The following ARFGEF3 variants were observed in gnomAD, a reference collection of about 807,000 sequenced individuals.
ARFGEF3 encodes the protein brefeldin A-inhibited guanine nucleotide-exchange protein 3.
In ARFGEF3, 96 loss-of-function variants were observed where a neutral mutation model predicts 221.7. The observed-to-expected ratio is 0.43, with a 90% CI of 0.37 to 0.51. The LOEUF (loss-of-function observed/expected upper bound fraction) is 0.51. Among genes scored for constraint, ARFGEF3 ranks in the 20% least tolerant of loss-of-function variants. The pLI is 0.00. For missense variants in ARFGEF3, 2,410 were observed against 2,789.9 expected (o/e 0.86, Z 3.07); for synonymous variants, 1,145 against 1,126.8 (o/e 1.02, Z -0.32).
In ARFGEF3 at chr6:138,286,913, C is replaced by T. The variant is rs763974207; in HGVS notation, c.2782C>T (p.Leu928=). 20 of 1,612,700 alleles carry T rather than the reference C, an allele frequency of 1.2e-5. No individual in the cohort carries two copies. Among genetic ancestry groups the T allele is most frequent in the East Asian group, 2.2e-5 (1 of 44,892 alleles). ...LRKAARLSCA[L]GVAANCASAL... is the part of the protein sequence containing the mutation. ...GAAAGCCGCACGGCTGAGCTGCGCT[C>T]TAGGTACCAGCGGGAGTAGTGTTCC... Residue 928 remains leucine (L), a synonymous_variant, in exon 16 of 34, where the codon CTA becomes TTA. Coordinates refer to ENST00000251691, the MANE Select transcript of ARFGEF3 (RefSeq NM_020340.5).
At chr6:138,264,316 T>C (rs1562372589) in intron 12 of ARFGEF3, among the ~76,000 whole-genome samples, 1 of 152,210 alleles carries the variant, frequency 6.6e-6, no homozygotes, top group Non-Finnish European at 1.5e-5. Context: ...TAGTAAATAA[T>C]TATTTTTAAG....
chr6:138,321,074 G>C (rs760772159), intron 28 of ARFGEF3, 37 bp from the exon 29 acceptor site: 1 of 1,223,970 alleles, frequency 8.2e-7, no homozygotes, highest in Non-Finnish European at 1.2e-6. Flanking sequence ...CTTTACACTA[G>C]AGCTGTGTGA....
intron 18 of ARFGEF3, among the ~76,000 whole-genome samples, chr6:138,290,263 A>G (rs1779379865): frequency 6.6e-6 from 1 of 152,224 alleles, no homozygotes; most frequent in Non-Finnish European, 1.5e-5. Flanking sequence ...TAAATAATTG[A>G]TTGAGATGAC....
chr6:138,237,624 T>C (rs979844149), intron 5 of ARFGEF3, among the ~76,000 whole-genome samples: 1 of 152,238 alleles, frequency 6.6e-6, no homozygotes, highest in African/African-American at 2.4e-5. Context: ...TGGTGTTATA[T>C]TCACTTTGCA....
At chr6:138,219,187 A>T (rs1041581518) in intron 4 of ARFGEF3, among the ~76,000 whole-genome samples, 3 of 152,172 alleles carry the variant, frequency 2.0e-5, no homozygotes, top group African/African-American at 4.8e-5. Context: ...TAAGGAGGGG[A>T]TACTATTTGA....
chr6:138,238,813 A>G lies in ARFGEF3; in HGVS notation c.543+182A>G, dbSNP rs746601062. On this transcript the variant is annotated intron_variant, in intron 6 of 33. Transcript: ENST00000251691. ...TAGATGTTTGCCTATTTCACCCTAA[A>G]GCTTTGAGAATTGCTTTTCCTTGCA... Among the ~76,000 whole-genome samples the G allele has an allele frequency of 5.5e-4, 84 of 152,096 alleles. 1 individual carries two copies. Among genetic ancestry groups the G allele is most frequent in the Non-Finnish European group, 1.3e-4 (9 of 68,026 alleles).
intron 32 of ARFGEF3, among the ~76,000 whole-genome samples, 200 bp from the exon 33 acceptor site, chr6:138,333,770 G>A (rs74515223): frequency 0.036 from 5,467 of 152,208 alleles, 141 homozygotes; most frequent in Non-Finnish European, 0.055. Flanking sequence ...TAAGTGTCAA[G>A]AACTCCACTA....
chr6:138,267,448 A>G (rs1320780469), intron 12 of ARFGEF3, among the ~76,000 whole-genome samples: 1 of 152,168 alleles, frequency 6.6e-6, no homozygotes, highest in African/African-American at 2.4e-5. Context: ...AAAATTATCC[A>G]TACAAAATAA....
chr6:138,292,264 TG>T (rs1043925611), intron 19 of ARFGEF3, among the ~76,000 whole-genome samples: 3 of 152,214 alleles, frequency 2.0e-5, no homozygotes, highest in Non-Finnish European at 2.9e-5. Context: ...GTAGGCCACC[TG>T]GGGTCAAAGC....
intron 33 of ARFGEF3, among the ~76,000 whole-genome samples, chr6:138,336,006 TTTGTTG>T (rs149097892): frequency 6.2e-5 from 9 of 144,410 alleles, no homozygotes; most frequent in Non-Finnish European, 9.3e-5. Flanking sequence ...GCAAGGGAGG[TTTGTTG>T]TTGTTGTTGT....
chr6:138,186,692 C>CT (rs1777190354), intron 2 of ARFGEF3, among the ~76,000 whole-genome samples: 2 of 152,140 alleles, frequency 1.3e-5, no homozygotes, highest in African/African-American at 4.8e-5. Context: ...AGCCACACAT[C>CT]TGAAAGTGGA....
intron 1 of ARFGEF3, among the ~76,000 whole-genome samples, chr6:138,164,728 G>A (rs1285240878): frequency 2.0e-5 from 3 of 152,214 alleles, no homozygotes; most frequent in Non-Finnish European, 4.4e-5. Flanking sequence ...CTGTTTCAGG[G>A]ATCTTGTCCT....
At chr6:138,302,954 A>G (rs1165812187) in intron 22 of ARFGEF3, among the ~76,000 whole-genome samples, 1 of 152,224 alleles carries the variant, frequency 6.6e-6, no homozygotes, top group Non-Finnish European at 1.5e-5. Context: ...GAAATGGTAC[A>G]TAAGTGGGAA....
chr6:138,259,341 A>G (rs1485192921), intron 10 of ARFGEF3, among the ~76,000 whole-genome samples: 1 of 152,194 alleles, frequency 6.6e-6, no homozygotes. Context: ...AAGGACATAC[A>G]GGACATTTTT....
rs770302620 is a variant in ARFGEF3 at position 138,334,455 on chromosome 6, G to GC, written c.5615dup (p.Arg1873GlufsTer93). The GC allele has an allele frequency of 1.2e-6, 2 of 1,611,584 alleles. No homozygotes were observed. On this transcript the variant is annotated frameshift_variant, in exon 33 of 34. Transcript: ENST00000251691. LOFTEE classifies it high-confidence loss of function. The surrounding 1 kb of genome is among the most constrained non-coding windows in gnomAD (Gnocchi z 5.1). ...ATCTTTGAGGAAACCGCCCAGGTCA[G>GC]CCCCCCGAGAGGCAAGGAGAAGAGA...
intron 12 of ARFGEF3, among the ~76,000 whole-genome samples, chr6:138,274,406 G>C (rs549914148): frequency 1.3e-5 from 2 of 152,278 alleles, no homozygotes; most frequent in African/African-American, 4.8e-5. Context: ...GAGAGTGCCA[G>C]GGGTTCCCAT....
Position 138,336,660 on chromosome 6 carries a change from T to TACTAAG in ARFGEF3, c.*175_*180dup. 2.1e-6 allele frequency: 1 copy of TACTAAG among 470,972 alleles called. No individual in the cohort carries two copies. The highest frequency in any genetic ancestry group is 3.7e-6 in the Non-Finnish European group (1 of 269,760). 29.2% of individuals were successfully genotyped at this position (470,972 alleles called of 1,614,324 possible). A position where few individuals can be genotyped will look rare whatever the true frequency, so the allele number is the denominator to read the frequency against. ...CAACCACTGATCAGCATTGGGGCCATACTAAGGTTTGTATCTAGATGACAC... is the reference window on the plus strand; with the variant it reads ...CAACCACTGATCAGCATTGGGGCCATACTAAGACTAAGGTTTGTATCTAGATGACAC... On this transcript the variant is annotated 3_prime_UTR_variant, in exon 34 of 34. Coordinates refer to ENST00000251691, the MANE Select transcript of ARFGEF3 (RefSeq NM_020340.5).
intron 29 of ARFGEF3, among the ~76,000 whole-genome samples, chr6:138,321,775 A>C (rs1444794291): frequency 2.0e-5 from 3 of 152,168 alleles, no homozygotes; most frequent in Non-Finnish European, 4.4e-5. Context: ...AGATAGCTGT[A>C]CTCCCATGTT....
chr6:138,193,725 C>T (rs920573209), intron 2 of ARFGEF3, among the ~76,000 whole-genome samples: 9 of 152,190 alleles, frequency 5.9e-5, no homozygotes, highest in Non-Finnish European at 1.2e-4. Flanking sequence ...TTTAGTTGAC[C>T]ATTTTGCAGT....
Sources: gnomAD v4.1 joint callset for allele counts (sites outside exome capture counted in the v4.1 genomes callset) on GRCh38, gnomAD v4.1.1 for gene constraint, Gnocchi (gnomAD v3.1) non-coding constraint, MANE v1.5 for transcripts, NCBI Gene and HGNC (gene_info 2026-07-23, HGNC 2026-07-21) for gene names.